SNX8: variants seen among roughly 807,000 people sequenced by gnomAD.
SNX8 encodes the protein sorting nexin-8.
SNX8 carries 25 observed loss-of-function variants against 51.6 expected under a neutral mutation model. The ratio of observed to expected loss-of-function variants is 0.48; its 90% CI spans 0.35 to 0.68. SNX8 has a LOEUF of 0.68. Among genes scored for constraint, SNX8 ranks in the 30% least tolerant of loss-of-function variants. The pLI is 0.00. For synonymous variants in SNX8, 324 were observed against 277.0 expected, an observed-to-expected ratio of 1.17 and a Z score of -1.68; for missense variants, 695 against 624.0, an observed-to-expected ratio of 1.11 and a Z score of -1.21.
intron 1 of SNX8, among the ~76,000 whole-genome samples, chr7:2,298,045 A>G (rs1055523349): frequency 1.3e-5 from 2 of 152,080 alleles, no homozygotes; most frequent in Non-Finnish European, 2.9e-5. Flanking sequence ...TATTTTTTTA[A>G]AAGAAACACT....
At chr7:2,274,693 C>A (rs1365924491) in intron 3 of SNX8, among the ~76,000 whole-genome samples, 5 of 152,238 alleles carry the variant, frequency 3.3e-5, no homozygotes, top group Non-Finnish European at 1.5e-5. Flanking sequence ...CCGAGCGCTC[C>A]CATGGTGCCC....
chr7:2,295,776 G>T (rs1178588889), intron 1 of SNX8, among the ~76,000 whole-genome samples: 2 of 152,054 alleles, frequency 1.3e-5, no homozygotes, highest in African/African-American at 2.4e-5. Context: ...GAGAGCGAGC[G>T]ACCCAGTTTC....
chr7:2,300,068 G>A (rs1204744558), intron 1 of SNX8, among the ~76,000 whole-genome samples: 1 of 152,128 alleles, frequency 6.6e-6, no homozygotes, highest in Non-Finnish European at 1.5e-5. Context: ...GAACAAATTA[G>A]GAACTGTGAA....
chr7:2,344,693 C>T (rs1778989560), intron 1 of SNX8, among the ~76,000 whole-genome samples: 2 of 151,944 alleles, frequency 1.3e-5, no homozygotes, highest in South Asian at 4.1e-4. Context: ...CTGAGGCAAG[C>T]AGATCATTTA....
intron 1 of SNX8, among the ~76,000 whole-genome samples, chr7:2,330,905 C>A (rs1233215672): frequency 6.6e-6 from 1 of 152,114 alleles, no homozygotes; most frequent in Non-Finnish European, 1.5e-5. Flanking sequence ...TTCCTAGACA[C>A]CGGGCGCGGT....
chr7:2,295,054 T>C (rs939115734), intron 1 of SNX8, among the ~76,000 whole-genome samples: 2 of 151,572 alleles, frequency 1.3e-5, no homozygotes, highest in African/African-American at 4.9e-5. Flanking sequence ...ATAAATAAAA[T>C]AAAATAATAA....
At chr7:2,313,035 C>A (rs981136498) in intron 1 of SNX8, among the ~76,000 whole-genome samples, 12 of 152,000 alleles carry the variant, frequency 7.9e-5, no homozygotes, top group Non-Finnish European at 1.6e-4. Flanking sequence ...GTAGCTGGGA[C>A]TACAGGCGCC....
In SNX8 at chr7:2,252,705, C is replaced by A. The variant is rs1321162019; in HGVS notation, c.*2351G>T. 1 of 136,194 alleles carries A rather than the reference C, an allele frequency of 7.3e-6. No homozygotes were observed. Among genetic ancestry groups the A allele is most frequent in the Non-Finnish European group, 1.6e-5 (1 of 62,482 alleles). The allele number at this position is 136,194 out of a possible 1,614,324, so 8.4% of individuals were successfully genotyped here. A position where few individuals can be genotyped will look rare whatever the true frequency, so the allele number is the denominator to read the frequency against. On this transcript the variant is annotated 3_prime_UTR_variant, in exon 11 of 11. Coordinates refer to ENST00000222990, the MANE Select transcript of SNX8 (RefSeq NM_013321.4). The stretch of plus-strand genomic sequence containing the variant: ...CTCCCTCCTGCCTTCCCACCCCTGC[C>A]CTCTTGCTCTCCTCACCCCTGCCCT...
chr7:2,338,322 C>A (rs1052364351), intron 1 of SNX8, among the ~76,000 whole-genome samples: 24 of 151,984 alleles, frequency 1.6e-4, no homozygotes, highest in Admixed American at 3.3e-4. Context: ...ATTAGCCGGG[C>A]ACGGTGGCAG....
intron 5 of SNX8, among the ~76,000 whole-genome samples, chr7:2,268,574 A>G (rs1308612464): frequency 4.2e-5 from 6 of 144,146 alleles, no homozygotes; most frequent in Admixed American, 4.1e-4. Flanking sequence ...CCGCCTGGCC[A>G]GCCGCCCTGT....
At chr7:2,308,221 T>C (rs866137618) in intron 1 of SNX8, among the ~76,000 whole-genome samples, 1 of 152,168 alleles carries the variant, frequency 6.6e-6, no homozygotes, top group Non-Finnish European at 1.5e-5. Flanking sequence ...ACATAGCAGA[T>C]AGTATTCTAG....
At chr7:2,293,914 C>T (rs929404154) in intron 1 of SNX8, among the ~76,000 whole-genome samples, 4 of 150,754 alleles carry the variant, frequency 2.7e-5, no homozygotes, top group Admixed American at 2.0e-4. Flanking sequence ...TGCAGTGAGC[C>T]GAGATCACAC....
chr7:2,314,371 T>G lies in SNX8; in HGVS notation c.51A>C (p.Ala17=). ...CCTCCTCGTCAGCCTCCGCCTCAGC[T>G]GCCGCCCCGACTGCAGCCGCGGGCA... is the stretch of plus-strand genomic sequence containing the variant. ...DPLPAAAVGA[A]AEAEADEEAD... The change falls in exon 1 of 11, where the codon GCA becomes GCC. Residue 17 remains alanine, a synonymous_variant. Transcript: ENST00000222990. 2.5e-6 allele frequency: 3 copies of G among 1,223,362 alleles called. No homozygotes were observed. In the African/African-American group the frequency reaches 4.7e-5, roughly 19 times the overall value. 75.8% of individuals were successfully genotyped at this position (1,223,362 alleles called of 1,614,324 possible). A position where few individuals can be genotyped will look rare whatever the true frequency, so the allele number is the denominator to read the frequency against.
At chr7:2,327,446 C>T (rs1289205420) in intron 1 of SNX8, among the ~76,000 whole-genome samples, 2 of 140,228 alleles carry the variant, frequency 1.4e-5, no homozygotes, top group African/African-American at 2.7e-5. Flanking sequence ...CTCGCTCTGT[C>T]GCCCAGGCTG....
chr7:2,270,149 G>A (rs941720876), intron 4 of SNX8, among the ~76,000 whole-genome samples: 2 of 151,888 alleles, frequency 1.3e-5, no homozygotes, highest in East Asian at 1.9e-4. Flanking sequence ...CCCTGGCACC[G>A]GAGCCCTCTC....
At chr7:2,333,200 C>T (rs1186428034) in intron 1 of SNX8, among the ~76,000 whole-genome samples, 1 of 151,912 alleles carries the variant, frequency 6.6e-6, no homozygotes, top group Non-Finnish European at 1.5e-5. Context: ...AGGTGTGAAC[C>T]ACCGTACCCA....
intron 1 of SNX8, among the ~76,000 whole-genome samples, chr7:2,324,481 G>A (rs1011267963): frequency 6.6e-6 from 1 of 151,876 alleles, no homozygotes; most frequent in Non-Finnish European, 1.5e-5. Context: ...AGTAGAGACA[G>A]GGTTTCACCA....
Position 2,256,843 on chromosome 7 carries a change from CGAGACGGCGGCCGGAGCA to C in SNX8, c.1284+13_1284+30del. On this transcript the variant is annotated intron_variant, in intron 10 of 10. Transcript: ENST00000222990. ...CGGAGGGACAAAGAAAGGCCGTGGCCGAGACGGCGGCCGGAGCAGGGCGGACTCACCTCCTTGTGCCCT... is the reference window on the plus strand; with the variant it reads ...CGGAGGGACAAAGAAAGGCCGTGGCCGGGCGGACTCACCTCCTTGTGCCCT... 2 of 1,593,436 alleles carry C rather than the reference CGAGACGGCGGCCGGAGCA, an allele frequency of 1.3e-6. No homozygotes were observed. The highest frequency in any genetic ancestry group is 1.7e-6 in the Non-Finnish European group (2 of 1,167,860).
At chr7:2,263,917 T>C (rs760591303) in intron 6 of SNX8, among the ~76,000 whole-genome samples, 4 of 152,066 alleles carry the variant, frequency 2.6e-5, no homozygotes, top group Non-Finnish European at 5.9e-5. Context: ...GGTTTCACCA[T>C]CTTGGCCAGG....
Sources: gnomAD v4.1 joint callset for allele counts (sites outside exome capture counted in the v4.1 genomes callset) on GRCh38, gnomAD v4.1.1 for gene constraint, MANE v1.5 for transcripts, NCBI Gene and HGNC (gene_info 2026-07-23, HGNC 2026-07-21) for gene names.